The following DCAF17 variants were observed in gnomAD, a reference collection of about 807,000 sequenced individuals.
DCAF17 encodes DDB1- and CUL4-associated factor 17.
DCAF17 carries 48 observed loss-of-function variants against 66.0 expected under a neutral mutation model. The ratio of observed to expected loss-of-function variants is 0.73; its 90% CI spans 0.58 to 0.92. The LOEUF (loss-of-function observed/expected upper bound fraction) is 0.92, where lower values mean the gene tolerates loss of function less well. Among genes scored for constraint, DCAF17 ranks in the 40% least tolerant of loss-of-function variants. DCAF17 has a pLI of 0.00. For synonymous variants in DCAF17, 206 were observed against 214.6 expected (o/e 0.96, Z 0.35); for missense variants, 562 against 622.8 (o/e 0.90, Z 1.04).
chr2:171,438,832 A>G (rs1483396343), intron 2 of DCAF17, among the ~76,000 whole-genome samples: 1 of 151,950 alleles, frequency 6.6e-6, no homozygotes, highest in Non-Finnish European at 1.5e-5. Flanking sequence ...AAACTCCTGG[A>G]CTGAAGCAAT....
At chr2:171,436,068 A>G (rs1242134560) in intron 2 of DCAF17, among the ~76,000 whole-genome samples, 1 of 152,160 alleles carries the variant, frequency 6.6e-6, no homozygotes, top group Admixed American at 6.5e-5. Flanking sequence ...TTTTCATATA[A>G]ATGGAATCAT....
Position 171,474,153 on chromosome 2 carries a change from T to G in DCAF17, c.1091+178T>G, listed in dbSNP as rs1696389487. 4.8e-6 allele frequency: 3 copies of G among 622,674 alleles called. No homozygotes were observed. The African/African-American group carries it at 5.5e-5, about 11-fold the overall frequency. The allele number at this position is 622,674 out of a possible 1,614,324, so 38.6% of individuals were successfully genotyped here. A position where few individuals can be genotyped will look rare whatever the true frequency, so the allele number is the denominator to read the frequency against. ...GAATTTATTCTTTGAGACTCAACAT[T>G]ACTGTTTGTAAATATTAAATTTGAA... On this transcript the variant is annotated intron_variant, in intron 10 of 13. Transcript: ENST00000375255.
At chr2:171,458,528 A>T in intron 8 of DCAF17, 51 bp downstream of exon 8, 1 of 1,331,560 alleles carries the variant, frequency 7.5e-7, no homozygotes, top group East Asian at 2.3e-5. Flanking sequence ...AAGTGGTCAT[A>T]TAAATAGTTA....
intron 3 of DCAF17, among the ~76,000 whole-genome samples, chr2:171,444,067 AT>A (rs1694475326): frequency 6.6e-6 from 1 of 152,246 alleles, no homozygotes; most frequent in Non-Finnish European, 1.5e-5. Context: ...CTGGGTGTAT[AT>A]TTTTCAAAAC....
At chr2:171,442,462 G>T (rs1235288512) in intron 2 of DCAF17, among the ~76,000 whole-genome samples, 1 of 151,642 alleles carries the variant, frequency 6.6e-6, no homozygotes, top group Non-Finnish European at 1.5e-5. Context: ...TACTCAGGAG[G>T]CTGAGGCAGG....
intron 9 of DCAF17, among the ~76,000 whole-genome samples, chr2:171,470,351 C>A (rs1020251968): frequency 1.7e-4 from 26 of 152,102 alleles, no homozygotes; most frequent in Non-Finnish European, 2.9e-5. Context: ...TCACTGTTGG[C>A]TCCAGTGGCT....
chr2:171,436,730 G>T (rs1222005840), intron 2 of DCAF17, among the ~76,000 whole-genome samples: 3 of 128,254 alleles, frequency 2.3e-5, no homozygotes, highest in Admixed American at 7.6e-5. Context: ...TGTGTAGATT[G>T]TCTTTTTACT....
At chr2:171,450,058 A>G in intron 5 of DCAF17, 101 bp downstream of exon 5, 1 of 1,049,306 alleles carries the variant, frequency 9.5e-7, no homozygotes, top group Non-Finnish European at 1.5e-6. Flanking sequence ...TTTCTGAAGC[A>G]TGCTGTAAAA....
intron 9 of DCAF17, among the ~76,000 whole-genome samples, chr2:171,470,222 T>C (rs1478829381): frequency 6.6e-6 from 1 of 151,902 alleles, no homozygotes; most frequent in African/African-American, 2.4e-5. Context: ...GGGGCCTCGC[T>C]GTGTTTCCCT....
chr2:171,451,183 C>A (rs1020825485), intron 5 of DCAF17, among the ~76,000 whole-genome samples: 1 of 152,108 alleles, frequency 6.6e-6, no homozygotes, highest in African/African-American at 2.4e-5. Context: ...CCTCATCTCT[C>A]TTGTCTACTT....
In DCAF17 at chr2:171,483,936, A is replaced by T. The variant is rs1696848798; in HGVS notation, c.*2822A>T. 1 of 453,972 alleles carries T rather than the reference A, an allele frequency of 2.2e-6. No individual in the cohort carries two copies. Among genetic ancestry groups the T allele is most frequent in the South Asian group, 1.6e-5 (1 of 64,476 alleles). The allele number at this position is 453,972 out of a possible 1,614,324, so 28.1% of individuals were successfully genotyped here. A position where few individuals can be genotyped will look rare whatever the true frequency, so the allele number is the denominator to read the frequency against. On this transcript the variant is annotated 3_prime_UTR_variant, in exon 14 of 14. Coordinates refer to ENST00000375255, the MANE Select transcript of DCAF17 (RefSeq NM_025000.4). ...CTCAAAAGGCAAGGCATGTTATTTT[A>T]TCCCAATTTAGCATACCAACAACTA...
intron 2 of DCAF17, among the ~76,000 whole-genome samples, chr2:171,441,758 C>A (rs1485939429): frequency 6.6e-6 from 1 of 152,186 alleles, no homozygotes; most frequent in East Asian, 1.9e-4. Flanking sequence ...TCTTACTGAG[C>A]AGTAGTAGGT....
intron 8 of DCAF17, among the ~76,000 whole-genome samples, chr2:171,467,167 T>C (rs1695951401): frequency 6.6e-6 from 1 of 152,106 alleles, no homozygotes; most frequent in Non-Finnish European, 1.5e-5. Flanking sequence ...AGTCCACTTA[T>C]ACACAGATTT....
At chr2:171,435,465 C>G (rs571903626) in intron 2 of DCAF17, among the ~76,000 whole-genome samples, 2 of 151,978 alleles carry the variant, frequency 1.3e-5, no homozygotes, top group East Asian at 3.9e-4. Flanking sequence ...CTACTTATAC[C>G]ACAGTCAAGA....
At chr2:171,459,956 AGGTTATTTTGAAATG>A (rs1490423914) in intron 8 of DCAF17, among the ~76,000 whole-genome samples, 3 of 152,208 alleles carry the variant, frequency 2.0e-5, no homozygotes, top group Non-Finnish European at 4.4e-5. Flanking sequence ...AGTGGTAACC[AGGTTATTTTGAAATG>A]GGTTATTTTG....
chr2:171,468,306 A>G lies in DCAF17; in HGVS notation c.839-582A>G, dbSNP rs12612865. On this transcript the variant is annotated intron_variant, in intron 8 of 13. Coordinates refer to ENST00000375255, the MANE Select transcript of DCAF17 (RefSeq NM_025000.4). ...GATGATAATAGTGGTAGTAGTGACT[A>G]TCCTGTAATAAAGCTTTCATTGTGA... 1.8e-3 allele frequency among the ~76,000 whole-genome samples: 279 copies of G among 152,228 alleles called. 4 individuals are homozygous for G. The East Asian group carries it at 0.037, about 20-fold the overall frequency.
chr2:171,479,120 A>G lies in DCAF17; in HGVS notation c.1267-918A>G, dbSNP rs1232367168. On this transcript the variant is annotated intron_variant, in intron 12 of 13. Transcript: ENST00000375255. Reference sequence around the variant, plus strand: ...GTGAAGGCAAAAAGGAAATAACGTAAAAGTACATTTTAATAATCAAACGTA... The same window carrying G: ...GTGAAGGCAAAAAGGAAATAACGTAGAAGTACATTTTAATAATCAAACGTA... Among the ~76,000 whole-genome samples the G allele has an allele frequency of 2.0e-5, 3 of 152,236 alleles. No homozygotes were observed. In the East Asian group the frequency reaches 5.8e-4, roughly 29 times the overall value.
In DCAF17 at chr2:171,481,391, A is replaced by G. The variant is rs1696739829; in HGVS notation, c.*277A>G. The G allele has an allele frequency of 3.9e-6, 2 of 519,292 alleles. No individual in the cohort carries two copies. Among genetic ancestry groups the G allele is most frequent in the Non-Finnish European group, 7.4e-6 (2 of 270,328 alleles). 32.2% of individuals were successfully genotyped at this position (519,292 alleles called of 1,614,324 possible). ...TGCAAATATAAAATGCTGGGAACAG[A>G]AAAGGACAGGTTAATTCCAATTGTT... On this transcript the variant is annotated 3_prime_UTR_variant, in exon 14 of 14. Coordinates refer to ENST00000375255, the MANE Select transcript of DCAF17 (RefSeq NM_025000.4).
At chr2:171,457,860 A>C in intron 6 of DCAF17, 111 bp from the exon 7 acceptor site, 1 of 872,272 alleles carries the variant, frequency 1.1e-6, no homozygotes. Context: ...GCTAGGCGGC[A>C]GTGTTATCAT....
Sources: gnomAD v4.1 joint callset for allele counts (sites outside exome capture counted in the v4.1 genomes callset) on GRCh38, gnomAD v4.1.1 for gene constraint, MANE v1.5 for transcripts, NCBI Gene and HGNC (gene_info 2026-07-23, HGNC 2026-07-21) for gene names.